SLC44A1: variants seen among roughly 807,000 people sequenced by gnomAD.
The protein encoded by SLC44A1 is solute carrier family 44 member 1, also known as choline transporter-like protein 1.
In SLC44A1, 26 loss-of-function variants were observed where a neutral mutation model predicts 79.3. That is an observed-to-expected ratio of 0.33 (90% CI 0.24 to 0.46). The LOEUF is 0.46. SLC44A1 is among the 20% of genes least tolerant of loss of function. The pLI, the probability that SLC44A1 is intolerant of heterozygous loss-of-function variation, is 1.00. For synonymous variants in SLC44A1, 263 were observed against 286.2 expected, an observed-to-expected ratio of 0.92 and a Z score of 0.82; for missense variants, 688 against 798.1, an observed-to-expected ratio of 0.86 and a Z score of 1.66.
intron 15 of SLC44A1, among the ~76,000 whole-genome samples, chr9:105,432,652 T>C (rs1291409979): frequency 2.0e-5 from 3 of 152,218 alleles, no homozygotes; most frequent in African/African-American, 7.2e-5. Flanking sequence ...TAGCAAGGTA[T>C]AGTTTGTGTC....
intron 15 of SLC44A1, among the ~76,000 whole-genome samples, chr9:105,404,952 C>G (rs1379128884): frequency 6.6e-6 from 1 of 152,122 alleles, no homozygotes; most frequent in South Asian, 2.1e-4. Context: ...TAATGAGTAC[C>G]TACTACGTGT....
Position 105,390,106 on chromosome 9 carries a change from C to T in SLC44A1, c.*1050C>T, listed in dbSNP as rs565179276. On this transcript the variant is annotated 3_prime_UTR_variant, in exon 16 of 16. Transcript: ENST00000374720. ...GGCAATTCATTGAGTATCCAGAGTT[C>T]TACGATGTTTAACTGAAGAATTGGC... 3.8e-4 allele frequency: 476 copies of T among 1,257,106 alleles called. 1 individual carries two copies. In the Middle Eastern group the frequency reaches 5.0e-3, roughly 13 times the overall value. The allele number at this position is 1,257,106 out of a possible 1,614,324, so 77.9% of individuals were successfully genotyped here. A position where few individuals can be genotyped will look rare whatever the true frequency, so the allele number is the denominator to read the frequency against.
chr9:105,381,181 T>A (rs1828451595), intron 13 of SLC44A1, among the ~76,000 whole-genome samples: 1 of 151,988 alleles, frequency 6.6e-6, no homozygotes. Flanking sequence ...AGAGGGTGAA[T>A]GTGCAAGATT....
chr9:105,361,135 G>A (rs897901154), intron 7 of SLC44A1, 56 bp from the exon 8 acceptor site: 65 of 1,538,930 alleles, frequency 4.2e-5, no homozygotes, highest in Admixed American at 6.7e-5. Flanking sequence ...GAGAATTTAT[G>A]TTACACATTT....
chr9:105,271,025 A>G (rs956452401), intron 1 of SLC44A1, among the ~76,000 whole-genome samples: 1 of 152,198 alleles, frequency 6.6e-6, no homozygotes, highest in African/African-American at 2.4e-5. Flanking sequence ...ACTAAATTCT[A>G]TTCTTTGATG....
intron 1 of SLC44A1, among the ~76,000 whole-genome samples, chr9:105,291,517 T>C (rs1457078345): frequency 6.6e-6 from 1 of 152,184 alleles, no homozygotes; most frequent in Non-Finnish European, 1.5e-5. Context: ...TGGGATTGTT[T>C]TGGAGATGGT....
At chr9:105,307,142 C>T (rs551812202) in intron 2 of SLC44A1, among the ~76,000 whole-genome samples, 37 of 152,212 alleles carry the variant, frequency 2.4e-4, no homozygotes, top group Non-Finnish European at 3.8e-4. Flanking sequence ...AGCTAGGGAT[C>T]GGATATGCAT....
intron 12 of SLC44A1, among the ~76,000 whole-genome samples, chr9:105,369,708 A>G (rs1043831095): frequency 7.9e-5 from 12 of 152,198 alleles, no homozygotes; most frequent in African/African-American, 2.7e-4. Context: ...TAAGTGAGTC[A>G]TTATGTGAAT....
intron 1 of SLC44A1, among the ~76,000 whole-genome samples, chr9:105,258,685 T>G (rs1026300084): frequency 3.3e-5 from 5 of 152,146 alleles, no homozygotes; most frequent in African/African-American, 1.2e-4. Flanking sequence ...GTTTGCTGTT[T>G]GTTGTTTTGT....
At chr9:105,369,044 A>G (rs1053191225) in intron 12 of SLC44A1, among the ~76,000 whole-genome samples, 2 of 149,038 alleles carry the variant, frequency 1.3e-5, no homozygotes, top group Admixed American at 1.3e-4. Flanking sequence ...TCAAGAAAAA[A>G]GAAAGAAAGC....
rs912408124 is a variant in SLC44A1, at chr9:105,410,608, G to A, written c.1950+25106G>A. ...ACACTCATACATTGCTGGTGAGAAT[G>A]TAAAATGGTGCCACCACTTGGAAAA... On this transcript the variant is annotated intron_variant, in intron 15 of 15. Transcript: ENST00000374724. 2.0e-5 allele frequency among the ~76,000 whole-genome samples: 3 copies of A among 152,304 alleles called. No homozygotes were observed. The East Asian group carries it at 5.8e-4, about 29-fold the overall frequency.
chr9:105,333,222 G>A (rs1448796439), intron 3 of SLC44A1, among the ~76,000 whole-genome samples: 3 of 151,908 alleles, frequency 2.0e-5, no homozygotes, highest in Admixed American at 2.0e-4. Flanking sequence ...AGGCCCAGCA[G>A]CAAGGCCCTG....
At chr9:105,279,687 A>G (rs111301938) in intron 1 of SLC44A1, among the ~76,000 whole-genome samples, 9 of 152,318 alleles carry the variant, frequency 5.9e-5, no homozygotes, top group African/African-American at 2.2e-4. Flanking sequence ...ACAGTGATAC[A>G]GTAGGGCATC....
chr9:105,414,670 A>T (rs963268173), intron 15 of SLC44A1, among the ~76,000 whole-genome samples: 2 of 152,196 alleles, frequency 1.3e-5, no homozygotes, highest in African/African-American at 2.4e-5. Context: ...CGTGGTGCAC[A>T]ACTGCAGTGC....
chr9:105,437,478 C>T (rs61054726), intron 15 of SLC44A1, among the ~76,000 whole-genome samples: 1 of 151,820 alleles, frequency 6.6e-6, no homozygotes, highest in Non-Finnish European at 1.5e-5. Flanking sequence ...CTCTCTCTCT[C>T]TCTATATATA....
intron 15 of SLC44A1, among the ~76,000 whole-genome samples, chr9:105,420,956 C>A (rs1588878430): frequency 1.3e-5 from 2 of 150,696 alleles, no homozygotes; most frequent in Admixed American, 1.3e-4. Context: ...CTGCAAGAGT[C>A]CATTCAGAAA....
At chr9:105,257,678 T>G (rs763717676) in intron 1 of SLC44A1, among the ~76,000 whole-genome samples, 13 of 152,114 alleles carry the variant, frequency 8.5e-5, no homozygotes. Context: ...TGAAAATGAT[T>G]CTCCAGCAAA....
chr9:105,312,423 A>G (rs948152024), intron 3 of SLC44A1, among the ~76,000 whole-genome samples: 1 of 152,226 alleles, frequency 6.6e-6, no homozygotes, highest in Non-Finnish European at 1.5e-5. Flanking sequence ...ATGAGAGAAG[A>G]AATGAGATAT....
At chr9:105,321,537 G>T (rs1826393325) in intron 3 of SLC44A1, among the ~76,000 whole-genome samples, 1 of 152,038 alleles carries the variant, frequency 6.6e-6, no homozygotes, top group Non-Finnish European at 1.5e-5. Flanking sequence ...CATAATAAAA[G>T]AGATAACTAG....
Sources: allele counts gnomAD v4.1 joint callset (sites outside exome capture counted in the v4.1 genomes callset), GRCh38; gene constraint gnomAD v4.1.1; transcripts MANE v1.5; gene names NCBI Gene and HGNC (gene_info 2026-07-23, HGNC 2026-07-21).